Variants in BPIFB1 observed in about 807,000 individuals in gnomAD.
BPIFB1 encodes BPI fold containing family B member 1, also known as BPI fold-containing family B member 1.
Under a neutral mutation model 55.1 loss-of-function variants are expected in BPIFB1, and 34 were observed. The observed-to-expected ratio is 0.62, with a 90% CI of 0.47 to 0.82. The LOEUF is 0.82. BPIFB1 is among the 40% of genes least tolerant of loss of function. The probability of loss-of-function intolerance (pLI) is 0.00; values close to 1 mark genes in which losing one functional copy is unlikely to be tolerated. For missense variants in BPIFB1, 532 were observed against 593.1 expected (o/e 0.90, Z 1.07); for synonymous variants, 236 against 245.3 (o/e 0.96, Z 0.35).
At chr20:33,295,179 C>T (rs907458694) in intron 6 of BPIFB1, among the ~76,000 whole-genome samples, 4 of 150,276 alleles carry the variant, frequency 2.7e-5, no homozygotes, top group Non-Finnish European at 5.9e-5. Flanking sequence ...AACGCCACTG[C>T]ACTCCAGCCT....
intron 4 of BPIFB1, among the ~76,000 whole-genome samples, chr20:33,290,410 G>A (rs1443640221): frequency 3.3e-5 from 5 of 152,192 alleles, no homozygotes; most frequent in Non-Finnish European, 5.9e-5. Flanking sequence ...CAAAGCTACT[G>A]CAACAATTCA....
intron 15 of BPIFB1, 84 bp downstream of exon 15, chr20:33,307,071 C>A (rs992999647): frequency 5.6e-6 from 7 of 1,253,694 alleles, no homozygotes; most frequent in Non-Finnish European, 8.2e-6. Flanking sequence ...GCCTGCACTC[C>A]AACCCCAGCC....
At chr20:33,301,456 A>G (rs894296868) in intron 9 of BPIFB1, 44 bp downstream of exon 9, 14 of 1,570,640 alleles carry the variant, frequency 8.9e-6, no homozygotes, top group Middle Eastern at 2.2e-4. Flanking sequence ...CCCAGGCCAC[A>G]TCATAGGAAT....
At chr20:33,283,900 A>G (rs1041814276) in intron 1 of BPIFB1, among the ~76,000 whole-genome samples, 2 of 152,190 alleles carry the variant, frequency 1.3e-5, no homozygotes, top group East Asian at 3.9e-4. Context: ...CTCTGATCCA[A>G]AGAGGACTGA....
At position 33,296,400 on chromosome 20, in the gene BPIFB1, C is replaced by A. The variant is rs180811945; in HGVS notation, c.598-1125C>A. Among the ~76,000 whole-genome samples, 15 of 152,286 alleles carry A rather than the reference C, an allele frequency of 9.8e-5. No homozygotes were observed. The East Asian group carries it at 2.9e-3, about 29-fold the overall frequency. On this transcript the variant is annotated intron_variant, in intron 6 of 15. Coordinates refer to ENST00000253354, the MANE Select transcript of BPIFB1 (RefSeq NM_033197.3). ...AACATTTCTCAAAGGCATTGTCATT[C>A]CTCAAGAGTATTAAGGGGTGGTCAA...
At chr20:33,284,370 T>A (rs1980196371) in intron 1 of BPIFB1, among the ~76,000 whole-genome samples, 1 of 152,166 alleles carries the variant, frequency 6.6e-6, no homozygotes, top group African/African-American at 2.4e-5. Context: ...AGATTTCCAA[T>A]TCTTTCGGGG....
chr20:33,299,928 G>A lies in BPIFB1; in HGVS notation c.691G>A (p.Glu231Lys), dbSNP rs546526666. ...VPISLSIDRL[E>K]FDLLYPAIKG... Reference sequence around the variant, plus strand: ...CATTTCCCTCAGCATTGACCGTCTGGAGTTTGACCTTCTGTATCCTGCCAT... The same window carrying A: ...CATTTCCCTCAGCATTGACCGTCTGAAGTTTGACCTTCTGTATCCTGCCAT... Residue 231 changes from glutamate (E) to lysine (K), a missense_variant, in exon 8 of 16, where the codon GAG becomes AAG. Physicochemically the swap from Glu to Lys is moderately conservative, Grantham distance 56 (BLOSUM62 1). Coordinates refer to ENST00000253354, the MANE Select transcript of BPIFB1 (RefSeq NM_033197.3). The A allele has an allele frequency of 6.2e-7, 1 of 1,614,030 alleles. No homozygotes were observed. Among genetic ancestry groups the A allele is most frequent in the East Asian group, 2.2e-5 (1 of 44,864 alleles).
At chr20:33,288,935 G>A (rs138442502) in intron 3 of BPIFB1, 53 bp downstream of exon 3, 23 of 1,567,138 alleles carry the variant, frequency 1.5e-5, no homozygotes, top group African/African-American at 2.7e-5. Context: ...ACCTTTGCCC[G>A]GGACACGCTC....
chr20:33,287,292 G>A (rs961081779), intron 2 of BPIFB1, among the ~76,000 whole-genome samples: 3 of 152,208 alleles, frequency 2.0e-5, no homozygotes, highest in Admixed American at 6.5e-5. Flanking sequence ...GCAAGGCAGG[G>A]AAGGAAAGGC....
chr20:33,308,912 A>C (rs1981140155), intron 15 of BPIFB1, among the ~76,000 whole-genome samples: 1 of 151,272 alleles, frequency 6.6e-6, no homozygotes, highest in East Asian at 2.0e-4. Context: ...ACACACATAC[A>C]CAGAGACGCA....
chr20:33,301,601 C>T (rs1261513011), intron 9 of BPIFB1, among the ~76,000 whole-genome samples, 189 bp downstream of exon 9: 2 of 152,236 alleles, frequency 1.3e-5, no homozygotes, highest in African/African-American at 4.8e-5. Context: ...CATCCAGCCC[C>T]AGTCATGGTT....
At chr20:33,303,225 C>T (rs1308585010) in intron 11 of BPIFB1, 151 bp downstream of exon 11, 6 of 934,766 alleles carry the variant, frequency 6.4e-6, no homozygotes, top group Non-Finnish European at 9.6e-6. Flanking sequence ...GAGCCAGGAG[C>T]TTTGTGGGTC....
At chr20:33,306,425 G>T (rs1981027520) in intron 14 of BPIFB1, among the ~76,000 whole-genome samples, 2 of 152,186 alleles carry the variant, frequency 1.3e-5, no homozygotes, top group South Asian at 4.1e-4. Flanking sequence ...ATCCTTCTGA[G>T]CCTCAGTTTC....
intron 6 of BPIFB1, among the ~76,000 whole-genome samples, chr20:33,295,890 GGAAA>G (rs1178014551): frequency 7.2e-6 from 1 of 138,150 alleles, no homozygotes; most frequent in East Asian, 2.2e-4. Flanking sequence ...AGGGAAGGAA[GGAAA>G]GAAGGAAGGA....
chr20:33,305,711 C>T (rs767408368), intron 13 of BPIFB1, among the ~76,000 whole-genome samples: 5 of 152,110 alleles, frequency 3.3e-5, no homozygotes, highest in Non-Finnish European at 7.4e-5. Flanking sequence ...GGGCAAAATT[C>T]CCTCAGGGCA....
Position 33,304,022 on chromosome 20 carries a change from T to C in BPIFB1, c.1205T>C (p.Ile402Thr), listed in dbSNP as rs1290257923. 2 of 1,612,224 alleles carry C rather than the reference T, an allele frequency of 1.2e-6. No individual in the cohort carries two copies. The highest frequency in any genetic ancestry group is 1.7e-6 in the Non-Finnish European group (2 of 1,179,270). ...GDQLILNLNN[I>T]SSDRIQLMNS... Reference sequence around the variant, plus strand: ...CAACTTATACTCAACTTGAATAACATCAGGTAAACACACAAATCATCATGA... The same window carrying C: ...CAACTTATACTCAACTTGAATAACACCAGGTAAACACACAAATCATCATGA... Residue 402 changes from isoleucine (I) to threonine (T), a missense_variant, in exon 12 of 16, where the codon ATC becomes ACC. Ile to Thr is a moderately conservative substitution (Grantham distance 89). Transcript: ENST00000253354.
In BPIFB1 at chr20:33,302,430, C is replaced by A; in HGVS notation, c.981+18C>A. 6.2e-7 allele frequency: 1 copy of A among 1,613,844 alleles called. No individual in the cohort carries two copies. Among genetic ancestry groups the A allele is most frequent in the African/African-American group, 1.3e-5 (1 of 74,970 alleles). ...ATGAAAAGGTTGGTCTGTTTGCCAT[C>A]TGCAGCTTGAGGGGTGTTTGCTGTG... On this transcript the variant is annotated intron_variant, in intron 10 of 15. Transcript: ENST00000253354.
chr20:33,289,852 G>A, intron 3 of BPIFB1, 33 bp from the exon 4 acceptor site: 1 of 1,568,478 alleles, frequency 6.4e-7, no homozygotes, highest in Non-Finnish European at 8.8e-7. Flanking sequence ...TGAGCCGGAG[G>A]CATGATTCTG....
Position 33,291,471 on chromosome 20 carries a change from A to G in BPIFB1, c.515+365A>G, listed in dbSNP as rs980536402. ...CTCTTCATTTGCTCTCCGGGTGATGATGGCCAAGTGGCCACCCTGTGTCTC... is the reference window on the plus strand; with the variant it reads ...CTCTTCATTTGCTCTCCGGGTGATGGTGGCCAAGTGGCCACCCTGTGTCTC... On this transcript the variant is annotated intron_variant, in intron 5 of 15. Transcript: ENST00000253354. Among the ~76,000 whole-genome samples, 16 of 152,320 alleles carry G rather than the reference A, an allele frequency of 1.1e-4. 2 individuals are homozygous for G. The highest frequency in any genetic ancestry group is 2.0e-4 in the Admixed American group (3 of 15,310).
Sources: allele counts gnomAD v4.1 joint callset (sites outside exome capture counted in the v4.1 genomes callset), GRCh38; gene constraint gnomAD v4.1.1; transcripts MANE v1.5; gene names NCBI Gene and HGNC (gene_info 2026-07-23, HGNC 2026-07-21).